Variants in NRG1 observed in about 807,000 individuals in gnomAD.
NRG1 encodes neuregulin 1.
In NRG1, 18 loss-of-function variants were observed where a neutral mutation model predicts 63.8. That is an observed-to-expected ratio of 0.28 (90% confidence interval 0.19 to 0.42). The LOEUF (loss-of-function observed/expected upper bound fraction) is 0.42. Among genes scored for constraint, NRG1 ranks in the 10% least tolerant of loss-of-function variants. The pLI, the probability that NRG1 is intolerant of heterozygous loss-of-function variation, is 1.00. For missense variants in NRG1, 762 were observed against 814.7 expected, an observed-to-expected ratio of 0.94 and a Z score of 0.79; for synonymous variants, 302 against 301.3, an observed-to-expected ratio of 1.00 and a Z score of -0.02.
chr8:32,521,402 G>A (rs1274389580), intron 1 of NRG1, among the ~76,000 whole-genome samples: 1 of 152,116 alleles, frequency 6.6e-6, no homozygotes, highest in African/African-American at 2.4e-5. Flanking sequence ...GTAATCAAGG[G>A]TGGAAATGCT....
At chr8:32,127,344 G>C (rs1214753205) in intron 1 of NRG1, among the ~76,000 whole-genome samples, 2 of 151,832 alleles carry the variant, frequency 1.3e-5, no homozygotes, top group Non-Finnish European at 2.9e-5. Context: ...GGCCACAGCA[G>C]TAAAGCTACG....
At chr8:32,559,347 C>T (rs1341547687) in intron 1 of NRG1, among the ~76,000 whole-genome samples, 1 of 150,152 alleles carries the variant, frequency 6.7e-6, no homozygotes, top group Admixed American at 6.7e-5. Context: ...CAAATTAAGC[C>T]AATGGTGGAC....
exon 1 of NRG1, chr8:32,548,816 C>T: frequency 6.4e-7 from 1 of 1,570,364 alleles, no homozygotes. Context: ...CGGCGGGCAG[C>T]CAGAGCCCAG....
chr8:31,832,649 T>C (rs978391844), intron 1 of NRG1, among the ~76,000 whole-genome samples: 7 of 152,208 alleles, frequency 4.6e-5, no homozygotes, highest in African/African-American at 1.7e-4. Flanking sequence ...GAAAATTTAG[T>C]ACTTTGTATT....
intron 1 of NRG1, among the ~76,000 whole-genome samples, chr8:31,671,872 T>C (rs1807186483): frequency 6.6e-6 from 1 of 151,958 alleles, no homozygotes; most frequent in African/African-American, 2.4e-5. Context: ...TAGCAGAAAA[T>C]AGAGCTGTTC....
chr8:32,673,292 A>G (rs2439315), intron 5 of NRG1, among the ~76,000 whole-genome samples: 130,349 of 152,188 alleles, frequency 0.86, 56,505 homozygotes, highest in East Asian at 1. Flanking sequence ...TGGCACTATC[A>G]TATAAGAGGG....
intron 7 of NRG1, chr8:32,751,009 A>G (rs1043585835): frequency 5.9e-5 from 9 of 152,128 alleles, no homozygotes; most frequent in African/African-American, 2.2e-4. Context: ...CATATTTCTC[A>G]TTTTTATAGC....
At chr8:31,962,948 A>G (rs549210970) in intron 1 of NRG1, among the ~76,000 whole-genome samples, 70 of 152,254 alleles carry the variant, frequency 4.6e-4, no homozygotes, top group Non-Finnish European at 8.7e-4. Flanking sequence ...GAAAAGAGAC[A>G]TAAGTAGAAG....
chr8:32,590,536 A>AT (rs1194916152), intron 1 of NRG1, among the ~76,000 whole-genome samples: 7 of 152,142 alleles, frequency 4.6e-5, no homozygotes, highest in African/African-American at 1.4e-4. Flanking sequence ...ACAAGTAAAA[A>AT]TTTTTTTGCA....
intron 1 of NRG1, among the ~76,000 whole-genome samples, chr8:32,054,781 C>T (rs1822567551): frequency 6.7e-6 from 1 of 149,116 alleles, no homozygotes; most frequent in Non-Finnish European, 1.5e-5. Context: ...TCAGCATAAT[C>T]TTCCATCTCA....
chr8:31,996,459 C>A (rs1271777463), intron 1 of NRG1, among the ~76,000 whole-genome samples: 2 of 151,888 alleles, frequency 1.3e-5, no homozygotes, highest in African/African-American at 4.8e-5. Context: ...AGGCCGGGCA[C>A]GGAGGTTCAT....
chr8:32,721,998 A>G, intron 5 of NRG1: 2 of 1,548,408 alleles, frequency 1.3e-6, no homozygotes, highest in Non-Finnish European at 1.7e-6. Context: ...AAAGAGCAGG[A>G]AAGTATGCAG....
intron 1 of NRG1, among the ~76,000 whole-genome samples, chr8:31,811,964 C>G (rs1438302145): frequency 6.6e-6 from 1 of 152,082 alleles, no homozygotes; most frequent in Non-Finnish European, 1.5e-5. Context: ...TTTCTCTAAG[C>G]TCTGGTCATT....
At chr8:32,635,911 A>G (rs1726543007) in intron 5 of NRG1, among the ~76,000 whole-genome samples, 1 of 152,174 alleles carries the variant, frequency 6.6e-6, no homozygotes, top group Admixed American at 6.5e-5. Flanking sequence ...TGGGGGATCT[A>G]GGTGTACATT....
At position 32,262,438 on chromosome 8, in the gene NRG1, G is replaced by A. The variant is rs193219506; in HGVS notation, c.38-333390G>A. On this transcript the variant is annotated intron_variant, in intron 1 of 10. Transcript: ENST00000519301. ...GAATCAGAATTTGTCAGGATTCTCC[G>A]TAAAGTACTAGCGGTTTTGTAGATG... Among the ~76,000 whole-genome samples the A allele has an allele frequency of 9.5e-3, 1,440 of 152,234 alleles. 11 individuals carry two copies. Among genetic ancestry groups the A allele is most frequent in the Non-Finnish European group, 0.016 (1,096 of 68,012 alleles).
chr8:32,368,344 A>G (rs1483482548), intron 1 of NRG1, among the ~76,000 whole-genome samples: 1 of 152,140 alleles, frequency 6.6e-6, no homozygotes, highest in Non-Finnish European at 1.5e-5. Context: ...CAAGACAGGA[A>G]GATTGCTTGA....
intron 2 of NRG1, among the ~76,000 whole-genome samples, chr8:32,599,539 A>G (rs941091670): frequency 3.3e-5 from 5 of 152,138 alleles, no homozygotes; most frequent in East Asian, 1.9e-4. Flanking sequence ...TGTTCTTTGT[A>G]TGATTTTTGA....
At chr8:32,003,316 G>T (rs1813246807) in intron 1 of NRG1, among the ~76,000 whole-genome samples, 1 of 152,070 alleles carries the variant, frequency 6.6e-6, no homozygotes, top group Non-Finnish European at 1.5e-5. Flanking sequence ...GACCTGAACA[G>T]CACTATCAAT....
intron 1 of NRG1, among the ~76,000 whole-genome samples, chr8:32,117,739 T>G (rs1832923337): frequency 6.6e-6 from 1 of 152,180 alleles, no homozygotes; most frequent in African/African-American, 2.4e-5. Flanking sequence ...CACATATGTA[T>G]AAGGCATTCC....
Sources: allele counts gnomAD v4.1 joint callset (sites outside exome capture counted in the v4.1 genomes callset), GRCh38; gene constraint gnomAD v4.1.1; transcripts MANE v1.5; gene names NCBI Gene and HGNC (gene_info 2026-07-23, HGNC 2026-07-21).